The following ESD variants were observed in gnomAD, a reference collection of about 807,000 sequenced individuals.
ESD encodes the protein esterase D, also known as S-formylglutathione hydrolase.
Under a neutral mutation model 38.1 loss-of-function variants are expected in ESD, and 34 were observed. The observed-to-expected ratio is 0.89, with a 90% CI of 0.68 to 1.19. The LOEUF is 1.19. Among genes scored for constraint, ESD ranks in the 50% most tolerant of loss-of-function variants. ESD has a pLI of 0.00. For synonymous variants in ESD, 97 were observed against 107.0 expected (o/e 0.91, Z 0.58); for missense variants, 334 against 327.2 (o/e 1.02, Z -0.16).
chr13:46,787,541 A>C (rs1214191375), intron 3 of ESD, among the ~76,000 whole-genome samples: 3 of 151,952 alleles, frequency 2.0e-5, no homozygotes, highest in Non-Finnish European at 4.4e-5. Context: ...TTTCATCACT[A>C]ATATTTTATC....
At chr13:46,775,765 C>T in intron 9 of ESD, 1 of 442,606 alleles carries the variant, frequency 2.3e-6, no homozygotes, top group Non-Finnish European at 4.7e-6. Context: ...TACTTTCTTA[C>T]TTTTTTAGAA....
chr13:46,796,412 C>G (rs1393812700), intron 1 of ESD, among the ~76,000 whole-genome samples: 1 of 152,234 alleles, frequency 6.6e-6, no homozygotes, highest in Non-Finnish European at 1.5e-5. Flanking sequence ...GCTTAAAATG[C>G]TGCTTCTACC....
chr13:46,775,329 C>T (rs764746429), intron 9 of ESD: 2 of 169,794 alleles, frequency 1.2e-5, no homozygotes, highest in Admixed American at 1.2e-4. Flanking sequence ...AAATTGTGAG[C>T]ATTTAACACC....
rs146164024 is a variant in ESD at position 46,781,564 on chromosome 13, T to C, written c.433A>G (p.Ile145Val). 5.5e-5 allele frequency: 89 copies of C among 1,608,852 alleles called. No homozygotes were observed. In the African/African-American group the frequency reaches 1.1e-3, roughly 20 times the overall value. The change falls in exon 7 of 10, where the codon ATT becomes GTT. Residue 145 changes from isoleucine to valine, a missense_variant. By Grantham distance (29) the Ile-to-Val change is conservative. Transcript: ENST00000378720. ...TGACCTCCCATGGAGTGGCCAAAAA[T>C]AGACATCCTTTGGGGATCCACTGGA... ...NFPVDPQRMS[I>V]FGHSMGGHGA... is the part of the protein sequence containing the mutation.
At chr13:46,773,466 G>A (rs1248139923) in intron 9 of ESD, among the ~76,000 whole-genome samples, 3 of 152,142 alleles carry the variant, frequency 2.0e-5, no homozygotes, top group Non-Finnish European at 4.4e-5. Context: ...CAAAGATTTT[G>A]TTTTTCCCAT....
chr13:46,783,212 T>G (rs867380926), intron 5 of ESD, among the ~76,000 whole-genome samples: 13 of 151,974 alleles, frequency 8.6e-5, no homozygotes, highest in African/African-American at 3.1e-4. Flanking sequence ...CTTTTTAAAT[T>G]CTCTTTACAC....
chr13:46,779,734 TATA>T (rs989901301), intron 8 of ESD, among the ~76,000 whole-genome samples, 198 bp downstream of exon 8: 7 of 145,936 alleles, frequency 4.8e-5, no homozygotes, highest in African/African-American at 1.7e-4. Flanking sequence ...AAATAATATA[TATA>T]ATAATATATA....
Position 46,781,600 on chromosome 13 carries a change from T to G in ESD, c.397A>C (p.Asn133His). The G allele has an allele frequency of 1.2e-6, 2 of 1,608,006 alleles. No individual in the cohort carries two copies. The highest frequency in any genetic ancestry group is 4.5e-5 in the East Asian group (2 of 44,706). Residue 133 changes from asparagine (N) to histidine (H), a missense_variant, in exon 7 of 10, where the codon AAT becomes CAT. Physicochemically the swap from Asn to His is moderately conservative, Grantham distance 68. Transcript: ENST00000378720. Reference sequence around the variant, plus strand: ...TGGGGATCCACTGGAAAATTGGCATTTATGAGTTGGGGAAGCTAGAAAAAA... The same window carrying G: ...TGGGGATCCACTGGAAAATTGGCATGTATGAGTTGGGGAAGCTAGAAAAAA... ...YVTEELPQLI[N>H]ANFPVDPQRM...
intron 3 of ESD, among the ~76,000 whole-genome samples, chr13:46,787,490 T>A (rs1875235232): frequency 6.6e-6 from 1 of 151,990 alleles, no homozygotes; most frequent in Non-Finnish European, 1.5e-5. Flanking sequence ...CTTACATATT[T>A]GTTCATAGGC....
intron 6 of ESD, among the ~76,000 whole-genome samples, 188 bp downstream of exon 6, chr13:46,782,479 A>G (rs1369595146): frequency 2.0e-5 from 3 of 151,924 alleles, no homozygotes; most frequent in Middle Eastern, 6.8e-3. Flanking sequence ...TATAATGATT[A>G]TATTCTTTAA....
chr13:46,778,575 C>T (rs888093631), intron 8 of ESD, among the ~76,000 whole-genome samples: 5 of 151,780 alleles, frequency 3.3e-5, no homozygotes, highest in African/African-American at 1.2e-4. Context: ...TGTACCTCTA[C>T]CTCTCACCTT....
chr13:46,771,390 A>T lies in ESD; in HGVS notation c.*26T>A, dbSNP rs374183075. 19 of 1,455,474 alleles carry T rather than the reference A, an allele frequency of 1.3e-5. No homozygotes were observed. The highest frequency in any genetic ancestry group is 1.8e-5 in the Non-Finnish European group (19 of 1,048,282). 90.2% of individuals were successfully genotyped at this position (1,455,474 alleles called of 1,614,324 possible). On this transcript the variant is annotated 3_prime_UTR_variant, in exon 10 of 10. Coordinates refer to ENST00000378720, the MANE Select transcript of ESD (RefSeq NM_001984.2). ...GCATTTTACAACTTTTATAATCCTG[A>T]AGAGATTCTCTTATTTGGAGTTTTT...
At chr13:46,774,386 A>C (rs1394758459) in intron 9 of ESD, among the ~76,000 whole-genome samples, 3 of 152,196 alleles carry the variant, frequency 2.0e-5, no homozygotes, top group African/African-American at 7.2e-5. Flanking sequence ...ATTCGAGCTA[A>C]TTGTATCATC....
At chr13:46,790,520 A>G (rs541553442) in intron 3 of ESD, 2 of 152,240 alleles carry the variant, frequency 1.3e-5, no homozygotes, top group Admixed American at 1.3e-4. Context: ...TGCTTAATCT[A>G]TTTGCAGTAT....
intron 1 of ESD, among the ~76,000 whole-genome samples, chr13:46,796,177 G>T (rs557958719): frequency 6.6e-6 from 1 of 152,194 alleles, no homozygotes; most frequent in African/African-American, 2.4e-5. Context: ...GGATGGCCTG[G>T]ATGTTGCTAT....
intron 6 of ESD, among the ~76,000 whole-genome samples, chr13:46,782,330 C>T (rs890250750): frequency 4.0e-5 from 6 of 151,690 alleles, no homozygotes; most frequent in African/African-American, 1.5e-4. Context: ...AGAGGTAATG[C>T]TTTACCACTT....
At chr13:46,790,842 A>G (rs760391264) in intron 3 of ESD, among the ~76,000 whole-genome samples, 11 of 152,050 alleles carry the variant, frequency 7.2e-5, no homozygotes, top group Non-Finnish European at 1.0e-4. Flanking sequence ...CTACCTCTCC[A>G]TTTGTATTCC....
intron 9 of ESD, chr13:46,776,755 T>G (rs935053915): frequency 2.6e-5 from 4 of 152,092 alleles, no homozygotes; most frequent in Non-Finnish European, 4.4e-5. Flanking sequence ...GGATAAAAAT[T>G]TATTTAAAAA....
intron 9 of ESD, among the ~76,000 whole-genome samples, chr13:46,773,447 A>C (rs1190190062): frequency 6.6e-6 from 1 of 152,230 alleles, no homozygotes; most frequent in African/African-American, 2.4e-5. Context: ...GAAAGAAATG[A>C]AAGTCTAACA....
Sources: allele counts gnomAD v4.1 joint callset (sites outside exome capture counted in the v4.1 genomes callset), GRCh38; gene constraint gnomAD v4.1.1; transcripts MANE v1.5; gene names NCBI Gene and HGNC (gene_info 2026-07-23, HGNC 2026-07-21).